The following KRT84 variants were observed in gnomAD, a reference collection of about 807,000 sequenced individuals.
The protein encoded by KRT84 is keratin 84.
A neutral mutation model predicts 49.0 loss-of-function variants in KRT84; 38 were observed. The ratio of observed to expected loss-of-function variants is 0.78; its 90% CI spans 0.60 to 1.02. KRT84 has a LOEUF of 1.02. Among genes scored for constraint, KRT84 ranks in the 50% least tolerant of loss-of-function variants. KRT84 has a pLI of 0.00. For missense variants in KRT84, 860 were observed against 788.6 expected (o/e 1.09, Z -1.08); for synonymous variants, 334 against 312.8 (o/e 1.07, Z -0.72).
At chr12:52,378,494 G>T (rs76034211) in intron 8 of KRT84, 114 bp from the exon 9 acceptor site, 133,164 of 775,434 alleles carry the variant, frequency 0.17, 11,851 homozygotes, top group Admixed American at 0.26. Flanking sequence ...CAGGGTTGTG[G>T]CATCTGGGGA....
In KRT84 at chr12:52,385,174, T is replaced by C; in HGVS notation, c.412A>G (p.Thr138Ala). 3 of 1,606,652 alleles carry C rather than the reference T, an allele frequency of 1.9e-6. No individual in the cohort carries two copies. The highest frequency in any genetic ancestry group is 2.6e-6 in the Non-Finnish European group (3 of 1,175,470). Residue 138 changes from threonine to alanine, a missense_variant, in exon 1 of 9, where the codon ACA (threonine) becomes GCA (alanine). By Grantham distance (58) the Thr-to-Ala change is moderately conservative. Transcript: ENST00000257951. ...GVGVPAAPSI[T>A]AVTVNKSLLT... ...AGGCTCTTGTTCACAGTCACAGCTG[T>C]GATAGATGGGGCTGCTGGGACTCCA... is the stretch of plus-strand genomic sequence containing the variant.
intron 8 of KRT84, 84 bp from the exon 9 acceptor site, chr12:52,378,464 T>C: frequency 2.8e-6 from 3 of 1,085,832 alleles, no homozygotes; most frequent in Non-Finnish European, 3.7e-6. Flanking sequence ...CCTCCGGGTC[T>C]GGTGGGGAGG....
At chr12:52,384,323 G>T (rs1323273176) in intron 1 of KRT84, among the ~76,000 whole-genome samples, 2 of 152,176 alleles carry the variant, frequency 1.3e-5, no homozygotes, top group East Asian at 3.8e-4. Flanking sequence ...TAGAGAGGAA[G>T]AACCCAAAAC....
In KRT84 at chr12:52,380,019, C is replaced by T. The variant is rs184369432; in HGVS notation, c.1425-112G>A. 8.4e-4 allele frequency: 785 copies of T among 929,306 alleles called. 6 individuals carry two copies. The African/African-American group carries it at 0.012, about 14-fold the overall frequency. The allele number at this position is 929,306 out of a possible 1,614,324, so 57.6% of individuals were successfully genotyped here. On this transcript the variant is annotated intron_variant, in intron 7 of 8. Transcript: ENST00000257951. ...TAGATCTGTGGAGCAGTAGTTCTCA[C>T]CCCTGGTTATACACACATCTGGGGA...
chr12:52,381,436 A>G lies in KRT84; in HGVS notation c.1002T>C (p.Ile334=). 6.2e-7 allele frequency: 1 copy of G among 1,614,174 alleles called. No homozygotes were observed. The highest frequency in any genetic ancestry group is 8.5e-7 in the Non-Finnish European group (1 of 1,180,030). Residue 334 remains isoleucine, a synonymous_variant, in exon 5 of 9, where the codon ATT becomes ATC. Coordinates refer to ENST00000257951, the MANE Select transcript of KRT84 (RefSeq NM_033045.4). ...NSRDLNLDGI[I]AEVKAQYEEV... ...CCTCATACTGGGCCTTGACCTCAGC[A>G]ATGATCCCATCAAGGTTCAGGTCAC... is the stretch of plus-strand genomic sequence containing the variant.
Position 52,383,731 on chromosome 12 carries a change from C to T in KRT84, c.614G>A (p.Cys205Tyr). The T allele has an allele frequency of 1.2e-6, 2 of 1,614,010 alleles. No homozygotes were observed. The highest frequency in any genetic ancestry group is 1.7e-6 in the Non-Finnish European group (2 of 1,179,914). ...TKWSFLQEQKCIRSNLEPLFE... is the reference protein window; with the variant it reads ...TKWSFLQEQKYIRSNLEPLFE... ...GAGTGGCTCCAGATTGCTCCTGATA[C>T]ATTTCTGCTCTTGGAGGAAGCTCCA... The change falls in exon 2 of 9, where the codon TGT (cysteine) becomes TAT (tyrosine). Residue 205 changes from cysteine to tyrosine, a missense_variant. Transcript: ENST00000257951.
rs1614888 is a variant in KRT84 at position 52,383,655 on chromosome 12, A to G, written c.690T>C (p.Ser230=). 0.23 allele frequency: 370,696 copies of G among 1,613,080 alleles called. 48,418 individuals are homozygous for G. The highest frequency in any genetic ancestry group is 0.57 in the African/African-American group (42,794 of 74,886). The stretch of plus-strand genomic sequence containing the variant: ...TCTCAGCCTGGAGCCGGGCCTGATC[A>G]CTGACCAGCACCTCCAACTGCCTCC... ...NLRRQLEVLV[S]DQARLQAERN... The change falls in exon 2 of 9, where the codon AGT becomes AGC. Residue 230 remains serine (S), a synonymous_variant. Transcript: ENST00000257951.
intron 8 of KRT84, among the ~76,000 whole-genome samples, chr12:52,379,514 A>T (rs138229265): frequency 3.1e-4 from 47 of 152,318 alleles, no homozygotes; most frequent in Middle Eastern, 6.8e-3. Flanking sequence ...GTTCCCTGCC[A>T]TCAGGGGATG....
chr12:52,382,241 A>C (rs1317522229), intron 4 of KRT84, among the ~76,000 whole-genome samples, 196 bp downstream of exon 4: 1 of 152,214 alleles, frequency 6.6e-6, no homozygotes, highest in Non-Finnish European at 1.5e-5. Flanking sequence ...TTTGACTTGC[A>C]TCAGGCTGCT....
chr12:52,385,434 C>T lies in KRT84; in HGVS notation c.152G>A (p.Gly51Asp), dbSNP rs148258545. 1.9e-5 allele frequency: 30 copies of T among 1,614,182 alleles called. No homozygotes were observed. The highest frequency in any genetic ancestry group is 1.6e-4 in the Middle Eastern group (1 of 6,062). The change falls in exon 1 of 9, where the codon GGT becomes GAT. Residue 51 changes from glycine (G) to aspartate (D), a missense_variant. By Grantham distance (94) the Gly-to-Asp change is moderately conservative. Coordinates refer to ENST00000257951, the MANE Select transcript of KRT84 (RefSeq NM_033045.4). ...TCCAAAGGTGATGACACTCCGACTA[C>T]CAAAGCTGCCAAGGCCCCGGAATCC... is the stretch of plus-strand genomic sequence containing the variant. Reference protein sequence around the residue: ...GPGFRGLGSFGSRSVITFGSY... With the variant: ...GPGFRGLGSFDSRSVITFGSY...
upstream of KRT84, chr12:52,385,669 T>C (rs888839013): frequency 2.2e-5 from 28 of 1,301,252 alleles, 2 homozygotes; most frequent in South Asian, 3.0e-4. Flanking sequence ...AGTGGAACCC[T>C]TGCACCCCTT....
chr12:52,377,937 G>A lies in KRT84; in HGVS notation c.*97C>T. 1.1e-6 allele frequency: 1 copy of A among 912,410 alleles called. No homozygotes were observed. The highest frequency in any genetic ancestry group is 1.5e-6 in the Non-Finnish European group (1 of 657,470). The allele number at this position is 912,410 out of a possible 1,614,324, so 56.5% of individuals were successfully genotyped here. ...TGGCTTCCTGGCAGAAAGGGGAGCTGGAGACCGTCAAGCCCAGAGCCCACG... is the reference window on the plus strand; with the variant it reads ...TGGCTTCCTGGCAGAAAGGGGAGCTAGAGACCGTCAAGCCCAGAGCCCACG... On this transcript the variant is annotated 3_prime_UTR_variant, in exon 9 of 9. Transcript: ENST00000257951.
At position 52,378,134 on chromosome 12, in the gene KRT84, C is replaced by G; in HGVS notation, c.1703G>C (p.Cys568Ser). The G allele has an allele frequency of 6.4e-7, 1 of 1,561,490 alleles. No homozygotes were observed. Among genetic ancestry groups the G allele is most frequent in the Non-Finnish European group, 8.6e-7 (1 of 1,156,146 alleles). Residue 568 changes from cysteine to serine, a missense_variant, in exon 9 of 9, where the codon TGC becomes TCC. Coordinates refer to ENST00000257951, the MANE Select transcript of KRT84 (RefSeq NM_033045.4). ...GAAGCCCCCCTGGGTGGGCAGGGGG[C>G]AGGGGACGCTGGGGACACAGGCCTC... is the stretch of plus-strand genomic sequence containing the variant. ...ISEACVPSVP[C>S]PLPTQGGFSS...
Position 52,381,534 on chromosome 12 carries a change from G to A in KRT84, c.913-9C>T, listed in dbSNP as rs778169780. ...TGCAGCAACTGGATTTCCTGTGTTG[G>A]AGGATTGGGGAGACAGATGTGCTTA... On this transcript the variant is annotated splice_polypyrimidine_tract_variant and intron_variant, in intron 4 of 8. Transcript: ENST00000257951. The A allele has an allele frequency of 1.4e-5, 22 of 1,613,150 alleles. No homozygotes were observed. Among genetic ancestry groups the A allele is most frequent in the East Asian group, 2.2e-5 (1 of 44,890 alleles).
At chr12:52,378,891 T>C (rs533597675) in intron 8 of KRT84, among the ~76,000 whole-genome samples, 1 of 152,094 alleles carries the variant, frequency 6.6e-6, no homozygotes, top group East Asian at 1.9e-4. Context: ...AGCCCTCTGC[T>C]CTCCCTTGGA....
At position 52,381,430 on chromosome 12, in the gene KRT84, C is replaced by T. The variant is rs781735766; in HGVS notation, c.1008G>A (p.Glu336=). ...RDLNLDGIIA[E]VKAQYEEVAR... ...CCACCTCCTCATACTGGGCCTTGACCTCAGCAATGATCCCATCAAGGTTCA... is the reference window on the plus strand; with the variant it reads ...CCACCTCCTCATACTGGGCCTTGACTTCAGCAATGATCCCATCAAGGTTCA... The change falls in exon 5 of 9, where the codon GAG becomes GAA. Residue 336 remains glutamate (E), a synonymous_variant. Transcript: ENST00000257951. 1.4e-5 allele frequency: 23 copies of T among 1,614,078 alleles called. No homozygotes were observed. The highest frequency in any genetic ancestry group is 1.9e-5 in the Non-Finnish European group (23 of 1,180,044).
rs752790929 is a variant in KRT84 at position 52,381,086 on chromosome 12, C to T, written c.1197G>A (p.Lys399=). Residue 399 remains lysine, a synonymous_variant, in exon 6 of 9, where the codon AAG becomes AAA. Transcript: ENST00000257951. ...CCTCCTTTCCTTTGCCCACCTGAGC[C>T]TTGGCGTGCTCAATCTCTGCCTTAA... ...QRLKAEIEHA[K]AQRAKLEAAV... 2 of 1,614,076 alleles carry T rather than the reference C, an allele frequency of 1.2e-6. No individual in the cohort carries two copies. Among genetic ancestry groups the T allele is most frequent in the South Asian group, 2.2e-5 (2 of 91,058 alleles).
chr12:52,378,043 G>A lies in KRT84; in HGVS notation c.1794C>T (p.Thr598=), dbSNP rs2121426911. Reference sequence around the variant, plus strand: ...GTCTGGGGCTGGGCTCTCAGTACTTGGTCCGGCAGGAGGTGGTGGTGGACA... The same window carrying A: ...GTCTGGGGCTGGGCTCTCAGTACTTAGTCCGGCAGGAGGTGGTGGTGGACA... ...RFVSTTTSCR[T]KY The change falls in exon 9 of 9, where the codon ACC becomes ACT. Residue 598 remains threonine (T), a synonymous_variant. Coordinates refer to ENST00000257951, the MANE Select transcript of KRT84 (RefSeq NM_033045.4). The A allele has an allele frequency of 6.8e-7, 1 of 1,469,194 alleles. No individual in the cohort carries two copies. The allele number at this position is 1,469,194 out of a possible 1,614,324, so 91.0% of individuals were successfully genotyped here.
At chr12:52,381,270 T>A in intron 5 of KRT84, 65 bp from the exon 6 acceptor site, 2 of 1,609,176 alleles carry the variant, frequency 1.2e-6, no homozygotes, top group South Asian at 1.1e-5. Flanking sequence ...CCCCACTGAG[T>A]TGGGGGCTTC....
Sources: allele counts gnomAD v4.1 joint callset (sites outside exome capture counted in the v4.1 genomes callset), GRCh38; gene constraint gnomAD v4.1.1; transcripts MANE v1.5; gene names NCBI Gene and HGNC (gene_info 2026-07-23, HGNC 2026-07-21).